The following ITGA9 variants were observed in gnomAD, a reference collection of about 807,000 sequenced individuals.
ITGA9 encodes the protein integrin subunit alpha 9, also known as integrin alpha-9.
In ITGA9, 56 loss-of-function variants were observed where a neutral mutation model predicts 127.8. The ratio of observed to expected loss-of-function variants is 0.44; its 90% CI spans 0.35 to 0.55. The LOEUF (loss-of-function observed/expected upper bound fraction) is 0.55. Among genes scored for constraint, ITGA9 ranks in the 20% least tolerant of loss-of-function variants. The pLI, the probability that ITGA9 is intolerant of heterozygous loss-of-function variation, is 0.00. For missense variants in ITGA9, 1,196 were observed against 1,347.1 expected (o/e 0.89, Z 1.76); for synonymous variants, 508 against 514.5 (o/e 0.99, Z 0.17).
chr3:37,727,509 G>T (rs1372988149), intron 18 of ITGA9, among the ~76,000 whole-genome samples: 2 of 152,156 alleles, frequency 1.3e-5, no homozygotes, highest in East Asian at 3.8e-4. Context: ...ATTTTATCCT[G>T]CATTTATTCA....
chr3:37,577,810 A>G (rs1699668001), intron 15 of ITGA9, among the ~76,000 whole-genome samples: 1 of 152,222 alleles, frequency 6.6e-6, no homozygotes. Flanking sequence ...AGATTTGTGG[A>G]AACAGAAACA....
chr3:37,519,477 C>T (rs540215312), intron 11 of ITGA9, 123 bp downstream of exon 11: 659 of 768,564 alleles, frequency 8.6e-4, no homozygotes, highest in Middle Eastern at 2.7e-3. Context: ...CCTTGGCCTT[C>T]CTACCCTTTT....
intron 4 of ITGA9, among the ~76,000 whole-genome samples, chr3:37,492,222 A>G (rs1698680734): frequency 6.6e-6 from 1 of 152,190 alleles, no homozygotes; most frequent in Non-Finnish European, 1.5e-5. Context: ...AGGGGCCCCC[A>G]TTGTTTGATT....
rs770723652 is a variant in ITGA9 at position 37,503,414 on chromosome 3, A to T, written c.742+107A>T. 14 of 1,275,000 alleles carry T rather than the reference A, an allele frequency of 1.1e-5. No homozygotes were observed. The Admixed American group carries it at 1.8e-4, about 16-fold the overall frequency. The allele number at this position is 1,275,000 out of a possible 1,614,324, so 79.0% of individuals were successfully genotyped here. A position where few individuals can be genotyped will look rare whatever the true frequency, so the allele number is the denominator to read the frequency against. ...TGGAAAGAGGAGTTAGTTGGCTTTG[A>T]CGCCTGTTGTTCTAATGACTTACAT... On this transcript the variant is annotated intron_variant, in intron 6 of 27. Coordinates refer to ENST00000264741, the MANE Select transcript of ITGA9 (RefSeq NM_002207.3).
intron 18 of ITGA9, among the ~76,000 whole-genome samples, chr3:37,694,183 C>G (rs1559569805): frequency 1.3e-5 from 2 of 152,212 alleles, no homozygotes; most frequent in Non-Finnish European, 2.9e-5. Flanking sequence ...CTTTATCTTG[C>G]TTTGTTGGTC....
At chr3:37,477,391 C>T (rs1234742178) in intron 3 of ITGA9, among the ~76,000 whole-genome samples, 1 of 152,164 alleles carries the variant, frequency 6.6e-6, no homozygotes, top group East Asian at 1.9e-4. Context: ...CGTGAAATGT[C>T]TCAGTGACCA....
intron 17 of ITGA9, among the ~76,000 whole-genome samples, chr3:37,661,376 G>A (rs1700531620): frequency 6.6e-6 from 1 of 152,150 alleles, no homozygotes; most frequent in Non-Finnish European, 1.5e-5. Flanking sequence ...TAGCCTTTTG[G>A]CCGAATCCTC....
chr3:37,655,539 G>A (rs1209495573), intron 17 of ITGA9, among the ~76,000 whole-genome samples: 1 of 151,976 alleles, frequency 6.6e-6, no homozygotes, highest in African/African-American at 2.4e-5. Flanking sequence ...TTTTTGATGG[G>A]GTTGTTTTTT....
At chr3:37,795,833 T>C (rs985605309) in intron 26 of ITGA9, among the ~76,000 whole-genome samples, 1 of 152,178 alleles carries the variant, frequency 6.6e-6, no homozygotes, top group South Asian at 2.1e-4. Flanking sequence ...GGGGAAACCA[T>C]TTCCCCCGCA....
Position 37,618,656 on chromosome 3 carries a change from C to T in ITGA9, c.1690-10531C>T, listed in dbSNP as rs188383542. ...CTTTGTTAACCTAGTCAAGCCTTGG[C>T]GATGGTGGGCGCCCCTCCCCCAGCC... On this transcript the variant is annotated intron_variant, in intron 15 of 27. Coordinates refer to ENST00000264741, the MANE Select transcript of ITGA9 (RefSeq NM_002207.3). Among the ~76,000 whole-genome samples, 7 of 152,234 alleles carry T rather than the reference C, an allele frequency of 4.6e-5. No homozygotes were observed. The East Asian group carries it at 7.7e-4, about 17-fold the overall frequency.
chr3:37,518,716 A>G (rs531282976), intron 10 of ITGA9, among the ~76,000 whole-genome samples: 1 of 149,892 alleles, frequency 6.7e-6, no homozygotes, highest in South Asian at 2.1e-4. Context: ...AGCATAAGGT[A>G]GAAACTTTTT....
chr3:37,477,400 C>A (rs1028628596), intron 3 of ITGA9, among the ~76,000 whole-genome samples: 6 of 152,056 alleles, frequency 3.9e-5, no homozygotes, highest in Non-Finnish European at 7.3e-5. Flanking sequence ...TCTCAGTGAC[C>A]AAAGGCATTA....
At chr3:37,786,849 G>C (rs544488212) in intron 26 of ITGA9, among the ~76,000 whole-genome samples, 16 of 152,292 alleles carry the variant, frequency 1.1e-4, no homozygotes, top group Admixed American at 9.8e-4. Context: ...TTGTTTGTTT[G>C]TTTCTTTGTT....
At chr3:37,532,555 T>C (rs1210244601) in intron 13 of ITGA9, among the ~76,000 whole-genome samples, 1 of 152,232 alleles carries the variant, frequency 6.6e-6, no homozygotes, top group African/African-American at 2.4e-5. Flanking sequence ...GAATGCTGCC[T>C]GAGCAGATGT....
chr3:37,568,486 A>C (rs995376596), intron 15 of ITGA9, among the ~76,000 whole-genome samples: 2 of 152,238 alleles, frequency 1.3e-5, no homozygotes, highest in Non-Finnish European at 2.9e-5. Flanking sequence ...TCTCCTCAGA[A>C]AATGGATTTT....
chr3:37,627,778 A>C (rs184627250), intron 15 of ITGA9, among the ~76,000 whole-genome samples: 1 of 152,180 alleles, frequency 6.6e-6, no homozygotes, highest in East Asian at 1.9e-4. Context: ...ATATAGTGAC[A>C]TGCTGTATGT....
intron 15 of ITGA9, among the ~76,000 whole-genome samples, chr3:37,546,742 C>T (rs75210829): frequency 6.6e-6 from 1 of 152,088 alleles, no homozygotes; most frequent in Non-Finnish European, 1.5e-5. Flanking sequence ...GTGGGGCCTG[C>T]TTGCCTCTGT....
intron 3 of ITGA9, among the ~76,000 whole-genome samples, chr3:37,475,292 C>T (rs770546039): frequency 1.2e-4 from 19 of 152,298 alleles, no homozygotes; most frequent in Middle Eastern, 6.8e-3. Flanking sequence ...GTGGTGGCCC[C>T]GTGGCAGCAT....
chr3:37,644,984 G>A (rs541383183), intron 16 of ITGA9, among the ~76,000 whole-genome samples: 12 of 152,228 alleles, frequency 7.9e-5, no homozygotes, highest in African/African-American at 2.6e-4. Context: ...CTCTTATAAC[G>A]TGCCACATGA....
Sources: gnomAD v4.1 joint callset for allele counts (sites outside exome capture counted in the v4.1 genomes callset) on GRCh38, gnomAD v4.1.1 for gene constraint, MANE v1.5 for transcripts, NCBI Gene and HGNC (gene_info 2026-07-23, HGNC 2026-07-21) for gene names.